Variants in GCNT4 observed in about 807,000 individuals in gnomAD.
GCNT4 encodes the protein beta-1,3-galactosyl-O-glycosyl-glycoprotein beta-1,6-N-acetylglucosaminyltransferase 4.
A neutral mutation model predicts 31.3 loss-of-function variants in GCNT4; 17 were observed. The ratio of observed to expected loss-of-function variants is 0.54; its 90% confidence interval spans 0.37 to 0.81. The LOEUF (loss-of-function observed/expected upper bound fraction) is 0.81, where lower values mean the gene tolerates loss of function less well. Ranked by LOEUF, GCNT4 falls within the 40% of genes least tolerant of loss-of-function variation. GCNT4 has a pLI of 0.00. For missense variants in GCNT4, 503 were observed against 525.5 expected (o/e 0.96, Z 0.42); for synonymous variants, 158 against 190.6 (o/e 0.83, Z 1.41).
At position 75,052,210 on chromosome 5, in the gene GCNT4, A is replaced by C. The variant is rs1437818238; in HGVS notation, c.-184T>G. ...CATTATATTAGCCCCAACTCTGTTAATCTTCTGGTTTGTTGTTCTTCCATT... is the reference window on the plus strand; with the variant it reads ...CATTATATTAGCCCCAACTCTGTTACTCTTCTGGTTTGTTGTTCTTCCATT... On this transcript the variant is annotated 5_prime_UTR_variant, in exon 2 of 4. Transcript: ENST00000652361. The C allele has an allele frequency of 1.3e-5, 2 of 150,920 alleles. No individual in the cohort carries two copies. The highest frequency in any genetic ancestry group is 2.9e-5 in the Non-Finnish European group (2 of 67,856). 9.3% of individuals were successfully genotyped at this position (150,920 alleles called of 1,614,324 possible). A position where few individuals can be genotyped will look rare whatever the true frequency, so the allele number is the denominator to read the frequency against.
At position 75,029,062 on chromosome 5, in the gene GCNT4, C is replaced by G. The variant is rs568027643; in HGVS notation, c.976G>C (p.Ala326Pro). The G allele has an allele frequency of 6.2e-7, 1 of 1,613,798 alleles. No homozygotes were observed. Among genetic ancestry groups the G allele is most frequent in the East Asian group, 2.2e-5 (1 of 44,890 alleles). ...FNNSIVQDFF[A>P]WSKDTYSPDE... is the part of the protein sequence containing the mutation. ...GGAGAGTATGTGTCTTTAGACCAGG[C>G]AAAAAAGTCTTGAACGATGGAGTTG... The change falls in exon 4 of 4, where the codon GCC becomes CCC. Residue 326 changes from alanine (A) to proline (P), a missense_variant. Transcript: ENST00000652361.
In GCNT4 at chr5:75,026,658, A is replaced by AAC. The variant is rs1231792440; in HGVS notation, c.*2017_*2018insGT. On this transcript the variant is annotated 3_prime_UTR_variant, in exon 4 of 4. Coordinates refer to ENST00000652361, the MANE Select transcript of GCNT4 (RefSeq NM_001366737.1). ...TCAATCGATTCTCACAAAAAAAAAA[A>AAC]AAAAAAAAAAAAAACACTTGTGTGG... The AAC allele has an allele frequency of 1.3e-5, 2 of 150,978 alleles. No individual in the cohort carries two copies. Among genetic ancestry groups the AAC allele is most frequent in the Non-Finnish European group, 3.0e-5 (2 of 67,642 alleles). 9.4% of individuals were successfully genotyped at this position (150,978 alleles called of 1,614,324 possible).
the GCNT4 span, among the ~76,000 whole-genome samples, chr5:75,017,893 G>T: frequency 6.6e-6 from 1 of 152,124 alleles, no homozygotes; most frequent in Admixed American, 6.5e-5. Context: ...CATCATAGAG[G>T]GTTTTAATGT....
intron 3 of GCNT4, among the ~76,000 whole-genome samples, chr5:75,041,684 T>TAAC (rs964932527): frequency 1.7e-4 from 26 of 152,080 alleles, no homozygotes; most frequent in East Asian, 5.8e-4. Context: ...TGTAGCAATG[T>TAAC]AACAACAACA....
At position 75,026,590 on chromosome 5, in the gene GCNT4, G is replaced by A. The variant is rs1433630692; in HGVS notation, c.*2086C>T. ...AGGTATCACTCTCTGACATTGAAAT[G>A]TCAATAGTTTGTACCTATTTTCAAA... On this transcript the variant is annotated 3_prime_UTR_variant, in exon 4 of 4. Coordinates refer to ENST00000652361, the MANE Select transcript of GCNT4 (RefSeq NM_001366737.1). The A allele has an allele frequency of 7.7e-6, 1 of 130,046 alleles. No individual in the cohort carries two copies. Among genetic ancestry groups the A allele is most frequent in the African/African-American group, 2.9e-5 (1 of 34,264 alleles). 8.1% of individuals were successfully genotyped at this position (130,046 alleles called of 1,614,324 possible).
Position 75,051,827 on chromosome 5 carries a change from C to A in GCNT4, c.-143+342G>T, listed in dbSNP as rs190317326. ...ATAAACCTTCTCATCCCACCACCAC[C>A]CCGCAGCAGGAAACTCCTTTCAGTC... On this transcript the variant is annotated intron_variant, in intron 2 of 3. Transcript: ENST00000652361. Among the ~76,000 whole-genome samples the A allele has an allele frequency of 3.3e-4, 50 of 152,314 alleles. 1 individual carries two copies. The East Asian group carries it at 8.7e-3, about 26-fold the overall frequency.
chr5:75,030,299 C>T (rs1293000114), intron 3 of GCNT4: 1 of 413,258 alleles, frequency 2.4e-6, no homozygotes, highest in Non-Finnish European at 4.5e-6. Flanking sequence ...AATGTAAACT[C>T]CTAAAATATA....
At chr5:75,042,321 T>C (rs1176569225) in intron 3 of GCNT4, among the ~76,000 whole-genome samples, 2 of 152,200 alleles carry the variant, frequency 1.3e-5, no homozygotes, top group Non-Finnish European at 2.9e-5. Flanking sequence ...AAAATGTGTA[T>C]CTATTGCACT....
In GCNT4 at chr5:75,030,214, G is replaced by A; in HGVS notation, c.-1-176C>T. 4.8e-6 allele frequency: 3 copies of A among 625,322 alleles called. No homozygotes were observed. In the East Asian group the frequency reaches 8.7e-5, roughly 18 times the overall value. 38.7% of individuals were successfully genotyped at this position (625,322 alleles called of 1,614,324 possible). Reference sequence around the variant, plus strand: ...ATAAGGAAATGGAATTATGAAGAATGGTGGTATTTTGGGGTATTCTGTGTT... The same window carrying A: ...ATAAGGAAATGGAATTATGAAGAATAGTGGTATTTTGGGGTATTCTGTGTT... On this transcript the variant is annotated intron_variant, in intron 3 of 3. Coordinates refer to ENST00000652361, the MANE Select transcript of GCNT4 (RefSeq NM_001366737.1).
In GCNT4 at chr5:75,025,470, A is replaced by G. The variant is rs552052146; in HGVS notation, c.*3206T>C. On this transcript the variant is annotated 3_prime_UTR_variant, in exon 4 of 4. Transcript: ENST00000652361. ...TAATGGGAACTGTATTTCAAAAATGATAAGAAAACAAAATAGGAGATTTAG... is the reference window on the plus strand; with the variant it reads ...TAATGGGAACTGTATTTCAAAAATGGTAAGAAAACAAAATAGGAGATTTAG... The G allele has an allele frequency of 7.2e-5, 11 of 152,362 alleles. No individual in the cohort carries two copies. The highest frequency in any genetic ancestry group is 2.6e-4 in the African/African-American group (11 of 41,584). The allele number at this position is 152,362 out of a possible 1,614,324, so 9.4% of individuals were successfully genotyped here. A position where few individuals can be genotyped will look rare whatever the true frequency, so the allele number is the denominator to read the frequency against.
At chr5:75,042,398 T>C (rs1367790346) in intron 3 of GCNT4, among the ~76,000 whole-genome samples, 1 of 152,256 alleles carries the variant, frequency 6.6e-6, no homozygotes, top group Non-Finnish European at 1.5e-5. Context: ...TCAGAAATTT[T>C]TGGAAGCATT....
At chr5:75,036,427 G>A (rs1743203570) in intron 3 of GCNT4, among the ~76,000 whole-genome samples, 1 of 152,208 alleles carries the variant, frequency 6.6e-6, no homozygotes, top group Non-Finnish European at 1.5e-5. Context: ...TGCTTTAAAT[G>A]GAACCTGAAC....
chr5:75,036,760 A>G (rs550273123), intron 3 of GCNT4, among the ~76,000 whole-genome samples: 38 of 152,070 alleles, frequency 2.5e-4, no homozygotes, highest in African/African-American at 8.7e-4. Context: ...TCAGTCTTCC[A>G]GCCCGTAGAA....
chr5:75,041,089 A>T (rs1459994830), intron 3 of GCNT4, among the ~76,000 whole-genome samples: 1 of 152,264 alleles, frequency 6.6e-6, no homozygotes, highest in Non-Finnish European at 1.5e-5. Context: ...AAAAGCTATA[A>T]GCTTTTCCTG....
chr5:75,038,865 A>C (rs531816143), intron 3 of GCNT4, among the ~76,000 whole-genome samples: 188 of 152,252 alleles, frequency 1.2e-3, no homozygotes, highest in Middle Eastern at 3.4e-3. Context: ...CTATCAAGGG[A>C]TTGGACAGAG....
chr5:75,040,762 A>G (rs1331284312), intron 3 of GCNT4, among the ~76,000 whole-genome samples: 1 of 152,184 alleles, frequency 6.6e-6, no homozygotes, highest in East Asian at 1.9e-4. Flanking sequence ...TATTTTTCTA[A>G]AACAGTACAT....
chr5:75,024,937 C>G (rs1183077135), downstream of GCNT4, among the ~76,000 whole-genome samples: 1 of 113,684 alleles, frequency 8.8e-6, no homozygotes, highest in South Asian at 2.9e-4. Flanking sequence ...GGTGACAGTG[C>G]GAGACTCCAT....
chr5:75,031,677 A>C (rs1478802946), intron 3 of GCNT4, among the ~76,000 whole-genome samples: 1 of 152,208 alleles, frequency 6.6e-6, no homozygotes, highest in Non-Finnish European at 1.5e-5. Context: ...AGGAGGATTT[A>C]CTTATCACTG....
chr5:75,044,787 A>C (rs1743398009), intron 3 of GCNT4, among the ~76,000 whole-genome samples: 1 of 152,194 alleles, frequency 6.6e-6, no homozygotes, highest in Non-Finnish European at 1.5e-5. Flanking sequence ...TGGTGAAGGA[A>C]GAATCAGACA....
Sources: allele counts gnomAD v4.1 joint callset (sites outside exome capture counted in the v4.1 genomes callset), GRCh38; gene constraint gnomAD v4.1.1; transcripts MANE v1.5; gene names NCBI Gene and HGNC (gene_info 2026-07-23, HGNC 2026-07-21).